Variants in OPRL1 observed in about 807,000 individuals in gnomAD.
OPRL1 encodes nociceptin receptor.
In OPRL1, 5 loss-of-function variants were observed where a neutral mutation model predicts 15.5. The observed-to-expected ratio is 0.32, with a 90% CI of 0.17 to 0.68. The LOEUF is 0.68. Among genes scored for constraint, OPRL1 ranks in the 30% least tolerant of loss-of-function variants. The pLI is 0.72. For missense variants in OPRL1, 406 were observed against 515.3 expected, an observed-to-expected ratio of 0.79 and a Z score of 2.05; for synonymous variants, 223 against 230.2, an observed-to-expected ratio of 0.97 and a Z score of 0.28.
In OPRL1 at chr20:64,097,863, C is replaced by G. The variant is rs200930937; in HGVS notation, c.295C>G (p.Leu99Val). Residue 99 changes from leucine (L) to valine (V), a missense_variant, in exon 4 of 5, where the codon CTG becomes GTG. Physicochemically the swap from Leu to Val is conservative, Grantham distance 32. Transcript: ENST00000336866. This position sits in a 1 kb window ranked among gnomAD's most constrained non-coding sequence, Gnocchi z 4.2. ...CTTTAACCTGGCCCTGGCCGACACT[C>G]TGGTCCTGCTGACGCTGCCCTTCCA... ...YIFNLALADTLVLLTLPFQGT... is the reference protein window; with the variant it reads ...YIFNLALADTVVLLTLPFQGT... The G allele has an allele frequency of 1.2e-6, 2 of 1,613,616 alleles. No individual in the cohort carries two copies. The highest frequency in any genetic ancestry group is 1.7e-6 in the Non-Finnish European group (2 of 1,180,000).
intron 1 of OPRL1, among the ~76,000 whole-genome samples, chr20:64,086,144 G>C (rs2060047678): frequency 6.6e-6 from 1 of 152,350 alleles, no homozygotes; most frequent in African/African-American, 2.4e-5. Flanking sequence ...TGAGTCCTTT[G>C]AGACAGGGAC....
In OPRL1 at chr20:64,097,933, T is replaced by A; in HGVS notation, c.365T>A (p.Leu122Gln). Residue 122 changes from leucine to glutamine, a missense_variant, in exon 4 of 5, where the codon CTG becomes CAG. Leu to Gln is a moderately radical substitution (Grantham distance 113, BLOSUM62 -2). Transcript: ENST00000336866. This position sits in a 1 kb window ranked among gnomAD's most constrained non-coding sequence, Gnocchi z 4.2. ...GGCTTCTGGCCGTTTGGGAATGCGC[T>A]GTGCAAGACAGTCATTGCCATTGAC... ...LLGFWPFGNALCKTVIAIDYY... is the reference protein window; with the variant it reads ...LLGFWPFGNAQCKTVIAIDYY... 1 of 1,613,732 alleles carries A rather than the reference T, an allele frequency of 6.2e-7. No individual in the cohort carries two copies. The highest frequency in any genetic ancestry group is 8.5e-7 in the Non-Finnish European group (1 of 1,180,024).
Position 64,083,541 on chromosome 20 carries a change from G to T in OPRL1, c.-185+3189G>T. 6.5e-7 allele frequency: 1 copy of T among 1,546,502 alleles called. No homozygotes were observed. The highest frequency in any genetic ancestry group is 8.7e-7 in the Non-Finnish European group (1 of 1,145,412). The stretch of plus-strand genomic sequence containing the variant: ...GTCCGGCGTGTGCGGAGGCGGGCAG[G>T]GCCCCTCCCCTTTCCCCGCCCCTAC... On this transcript the variant is annotated intron_variant, in intron 1 of 4. Coordinates refer to ENST00000336866, the MANE Select transcript of OPRL1 (RefSeq NM_182647.4). The surrounding 1 kb of genome is among the most constrained non-coding windows in gnomAD (Gnocchi z 4.9).
Position 64,099,255 on chromosome 20 carries a change from T to G in OPRL1, c.*456T>G. Reference sequence around the variant, plus strand: ...GTGCCCCCCATGTGCTGTGTGCTGTTTGCATGGCAGGGCTCCAGCTGCCTT... The same window carrying G: ...GTGCCCCCCATGTGCTGTGTGCTGTGTGCATGGCAGGGCTCCAGCTGCCTT... On this transcript the variant is annotated 3_prime_UTR_variant, in exon 5 of 5. Transcript: ENST00000336866. The G allele has an allele frequency of 5.7e-6, 1 of 176,038 alleles. No homozygotes were observed. The allele number at this position is 176,038 out of a possible 1,614,324, so 10.9% of individuals were successfully genotyped here.
chr20:64,088,565 A>T (rs1056826390), intron 1 of OPRL1, among the ~76,000 whole-genome samples: 1 of 97,550 alleles, frequency 1.0e-5, no homozygotes, highest in Non-Finnish European at 2.1e-5. Flanking sequence ...GGGGCACTAG[A>T]TCTTTGCAGG....
chr20:64,082,510 C>T (rs959755946), intron 1 of OPRL1, among the ~76,000 whole-genome samples: 8 of 152,140 alleles, frequency 5.3e-5, no homozygotes, highest in Admixed American at 4.6e-4. Context: ...CCAGTTCTGA[C>T]CTCTGCCCCT....
In OPRL1 at chr20:64,083,286, GAT is replaced by G. The variant is rs777364052; in HGVS notation, c.-185+2935_-185+2936del. 2 of 1,183,504 alleles carry G rather than the reference GAT, an allele frequency of 1.7e-6. No individual in the cohort carries two copies. Among genetic ancestry groups the G allele is most frequent in the Non-Finnish European group, 2.4e-6 (2 of 835,454 alleles). 73.3% of individuals were successfully genotyped at this position (1,183,504 alleles called of 1,614,324 possible). A position where few individuals can be genotyped will look rare whatever the true frequency, so the allele number is the denominator to read the frequency against. On this transcript the variant is annotated intron_variant, in intron 1 of 4. Transcript: ENST00000336866. This position sits in a 1 kb window ranked among gnomAD's most constrained non-coding sequence, Gnocchi z 4.9. ...GGAGAGGCCCCACTCTCTGTACCCT[GAT>G]GTCTGTGAGGTGCATGGGAGAGGCA...
intron 1 of OPRL1, among the ~76,000 whole-genome samples, chr20:64,088,704 G>GAGGGCAGGA (rs2060083662): frequency 3.9e-5 from 1 of 25,490 alleles, no homozygotes; most frequent in Non-Finnish European, 9.2e-5. Context: ...GGAGGCCAGG[G>GAGGGCAGGA]TCTGTGCAGA....
At chr20:64,088,656 A>ATCTGTGCAGAGT (rs1464362686) in intron 1 of OPRL1, among the ~76,000 whole-genome samples, 1 of 30,162 alleles carries the variant, frequency 3.3e-5, no homozygotes, top group Non-Finnish European at 7.0e-5. Flanking sequence ...CTGTGCAGGG[A>ATCTGTGCAGAGT]GGCCAGGATC....
chr20:64,095,396 G>GGCA (rs1979006818), intron 3 of OPRL1, among the ~76,000 whole-genome samples: 1 of 138,322 alleles, frequency 7.2e-6, no homozygotes, highest in African/African-American at 2.7e-5. Flanking sequence ...CAGCATGGGG[G>GGCA]GCAGCGTGGG....
At chr20:64,081,552 C>T (rs1035600264) in intron 1 of OPRL1, among the ~76,000 whole-genome samples, 4 of 152,208 alleles carry the variant, frequency 2.6e-5, no homozygotes, top group African/African-American at 4.8e-5. Context: ...TGCTCTCCAC[C>T]GCCCTGGCTT....
chr20:64,091,514 C>A (rs1468279425), intron 1 of OPRL1, among the ~76,000 whole-genome samples: 1 of 152,202 alleles, frequency 6.6e-6, no homozygotes, highest in African/African-American at 2.4e-5. Flanking sequence ...GGGCCAGTGC[C>A]GTGTCCTGGA....
rs2059952756 is a variant in OPRL1, at chr20:64,080,312, G to A, written c.-225G>A. 1 of 152,298 alleles carries A rather than the reference G, an allele frequency of 6.6e-6. No individual in the cohort carries two copies. Among genetic ancestry groups the A allele is most frequent in the African/African-American group, 2.4e-5 (1 of 41,480 alleles). 9.4% of individuals were successfully genotyped at this position (152,298 alleles called of 1,614,324 possible). On this transcript the variant is annotated 5_prime_UTR_variant, in exon 1 of 5. Coordinates refer to ENST00000336866, the MANE Select transcript of OPRL1 (RefSeq NM_182647.4). ...CTGGGCCCCATATGCTGCTTGCCCAGCTTGGGAAAGAGGAGGCTGCTGCAA... is the reference window on the plus strand; with the variant it reads ...CTGGGCCCCATATGCTGCTTGCCCAACTTGGGAAAGAGGAGGCTGCTGCAA...
intron 1 of OPRL1, among the ~76,000 whole-genome samples, chr20:64,088,826 G>A (rs1159006676): frequency 4.6e-5 from 6 of 129,986 alleles, no homozygotes; most frequent in South Asian, 2.5e-4. Flanking sequence ...GCCAGGATCT[G>A]TGCAGGGAGG....
intron 3 of OPRL1, among the ~76,000 whole-genome samples, chr20:64,095,793 G>A (rs1569277715): frequency 6.6e-6 from 1 of 151,944 alleles, no homozygotes. Flanking sequence ...AGGTAGAGGC[G>A]GGACAGGGTA....
chr20:64,083,595 C>A lies in OPRL1; in HGVS notation c.-185+3243C>A. ...GGCTTGTCTGCACCTCTTGGCGGTC[C>A]AGGGGGTCCGGGATCCGCGCGGGCT... On this transcript the variant is annotated intron_variant, in intron 1 of 4. Transcript: ENST00000336866. The surrounding 1 kb of genome is among the most constrained non-coding windows in gnomAD (Gnocchi z 4.9). The A allele has an allele frequency of 1.3e-6, 2 of 1,493,256 alleles. No individual in the cohort carries two copies. The highest frequency in any genetic ancestry group is 2.5e-5 in the South Asian group (2 of 78,836). The allele number at this position is 1,493,256 out of a possible 1,614,324, so 92.5% of individuals were successfully genotyped here.
At chr20:64,093,034 TG>T in intron 3 of OPRL1, 81 bp downstream of exon 3, 2 of 1,278,046 alleles carry the variant, frequency 1.6e-6, no homozygotes, top group Non-Finnish European at 1.1e-6. Flanking sequence ...CTGTTCTGGA[TG>T]GGCCTGAGCA....
At chr20:64,095,676 T>C (rs969579968) in intron 3 of OPRL1, among the ~76,000 whole-genome samples, 1 of 151,678 alleles carries the variant, frequency 6.6e-6, no homozygotes, top group Non-Finnish European at 1.5e-5. Context: ...TGGTCCAGGA[T>C]GTTTGCCTGG....
rs1029409073 is a variant in OPRL1, at chr20:64,083,768, G to C, written c.-185+3416G>C. ...GCCCCGCCCCGCCCCGGCCGGCTCC[G>C]CTCAACGCTCCCGGTGCGCCCCCTC... On this transcript the variant is annotated intron_variant, in intron 1 of 4. Coordinates refer to ENST00000336866, the MANE Select transcript of OPRL1 (RefSeq NM_182647.4). The surrounding 1 kb of genome is among the most constrained non-coding windows in gnomAD (Gnocchi z 4.9). 1.5e-5 allele frequency: 19 copies of C among 1,297,456 alleles called. No individual in the cohort carries two copies. In the African/African-American group the frequency reaches 2.5e-4, roughly 17 times the overall value. 80.4% of individuals were successfully genotyped at this position (1,297,456 alleles called of 1,614,324 possible).
Sources: allele counts gnomAD v4.1 joint callset (sites outside exome capture counted in the v4.1 genomes callset), GRCh38; gene constraint gnomAD v4.1.1; non-coding constraint Gnocchi (gnomAD v3.1); transcripts MANE v1.5; gene names NCBI Gene and HGNC (gene_info 2026-07-23, HGNC 2026-07-21).